TNS1: variants seen among roughly 807,000 people sequenced by gnomAD.
TNS1 encodes the protein tensin-1.
In TNS1, 62 loss-of-function variants were observed where a neutral mutation model predicts 168.6. The observed-to-expected ratio is 0.37, with a 90% CI of 0.30 to 0.45. The LOEUF is 0.45. TNS1 is among the 20% of genes least tolerant of loss of function. The probability of loss-of-function intolerance (pLI) is 1.00; values close to 1 mark genes in which losing one functional copy is unlikely to be tolerated. For synonymous variants in TNS1, 934 were observed against 933.2 expected (o/e 1.00, Z -0.02); for missense variants, 2,240 against 2,339.4 (o/e 0.96, Z 0.88).
At chr2:217,885,670 G>A (rs1951124804) in intron 15 of TNS1, 74 bp downstream of exon 15, 1 of 1,494,730 alleles carries the variant, frequency 6.7e-7, no homozygotes, top group African/African-American at 1.4e-5. Context: ...TGTCCCAAGA[G>A]GCAGGAAAGG....
intron 3 of TNS1, among the ~76,000 whole-genome samples, chr2:217,934,839 A>C (rs2125916480): frequency 6.6e-6 from 1 of 152,330 alleles, no homozygotes; most frequent in South Asian, 2.1e-4. Flanking sequence ...TCGATGCTGG[A>C]CAGCTCTGCC....
chr2:217,880,966 G>A lies in TNS1; in HGVS notation c.1361C>T (p.Thr454Ile), dbSNP rs763736445. ...NGPSVSVDYN[T>I]SDPLIRWDSY... The stretch of plus-strand genomic sequence containing the variant: ...GTCCCAGCGGATGAGGGGGTCGGAG[G>A]TGTTATAGTCCACAGACACGCTCGG... The change falls in exon 18 of 33, where the codon ACC becomes ATC. Residue 454 changes from threonine to isoleucine, a missense_variant. Thr to Ile is a moderately conservative substitution (Grantham distance 89). This residue lies in a region of TNS1 where 2,131 missense variants were observed against 2,171.2 expected (regional missense o/e 0.98). Transcript: ENST00000682258. This position sits in a 1 kb window ranked among gnomAD's most constrained non-coding sequence, Gnocchi z 4.2. 1 of 1,614,096 alleles carries A rather than the reference G, an allele frequency of 6.2e-7. No individual in the cohort carries two copies. Among genetic ancestry groups the A allele is most frequent in the Non-Finnish European group, 8.5e-7 (1 of 1,180,016 alleles).
rs144984708 is a variant in TNS1 at position 217,878,674 on chromosome 2, T to A, written c.1429+2224A>T. ...CCCAAGAAAACACCACATGCAGTCC[T>A]TCCTCAGGCCGTGCTGCCCACAAGG... On this transcript the variant is annotated intron_variant, in intron 18 of 32. Coordinates refer to ENST00000682258, the MANE Select transcript of TNS1 (RefSeq NM_001387777.1). 2.8e-3 allele frequency among the ~76,000 whole-genome samples: 431 copies of A among 152,250 alleles called. 1 individual carries two copies. The highest frequency in any genetic ancestry group is 9.6e-3 in the African/African-American group (399 of 41,544).
intron 24 of TNS1, among the ~76,000 whole-genome samples, chr2:217,816,617 C>T (rs4674216): frequency 0.32 from 48,133 of 152,028 alleles, 8,152 homozygotes; most frequent in Middle Eastern, 0.44. Flanking sequence ...CTGTCAGAGG[C>T]GGCTGCAGTC....
intron 19 of TNS1, among the ~76,000 whole-genome samples, chr2:217,846,318 G>A (rs1946640877): frequency 6.6e-6 from 1 of 152,170 alleles, no homozygotes. Context: ...AAGTATAGGA[G>A]CAGGGAGCCT....
chr2:217,822,847 G>C (rs115271998), intron 22 of TNS1, among the ~76,000 whole-genome samples: 1 of 152,154 alleles, frequency 6.6e-6, no homozygotes, highest in African/African-American at 2.4e-5. Flanking sequence ...AACGAACTCC[G>C]CTTGAAAGAG....
chr2:218,006,678 C>T (rs1958659855), upstream of TNS1, among the ~76,000 whole-genome samples: 1 of 152,200 alleles, frequency 6.6e-6, no homozygotes. Flanking sequence ...GAGGGGGATG[C>T]CCACTCCTTG....
chr2:217,874,549 G>C (rs550926180), intron 18 of TNS1, among the ~76,000 whole-genome samples: 39 of 152,316 alleles, frequency 2.6e-4, no homozygotes, highest in African/African-American at 7.5e-4. Context: ...GATGTCAGAG[G>C]CATGTCTCCT....
At position 217,802,453 on chromosome 2, in the gene TNS1, C is replaced by T. The variant is rs1937605961; in HGVS notation, c.*2006G>A. On this transcript the variant is annotated 3_prime_UTR_variant, in exon 33 of 33. Coordinates refer to ENST00000682258, the MANE Select transcript of TNS1 (RefSeq NM_001387777.1). ...CTATGTGTGCCATACACACCCATGT[C>T]CCCGCATGCTCACACACTCGCTCAG... 6.6e-6 allele frequency: 1 copy of T among 152,280 alleles called. No individual in the cohort carries two copies. Among genetic ancestry groups the T allele is most frequent in the African/African-American group, 2.4e-5 (1 of 41,450 alleles). The allele number at this position is 152,280 out of a possible 1,614,324, so 9.4% of individuals were successfully genotyped here.
chr2:217,900,575 C>A (rs1212097102), intron 6 of TNS1, 63 bp from the exon 7 acceptor site: 1 of 1,476,938 alleles, frequency 6.8e-7, no homozygotes, highest in African/African-American at 1.4e-5. Context: ...GAGGAGCACA[C>A]CAGAGAGCTG....
intron 18 of TNS1, among the ~76,000 whole-genome samples, chr2:217,860,618 G>A (rs978727196): frequency 2.6e-5 from 4 of 152,082 alleles, no homozygotes; most frequent in Admixed American, 1.3e-4. Context: ...TTGTTTGCAC[G>A]CAACCTTCAT....
intron 18 of TNS1, among the ~76,000 whole-genome samples, chr2:217,879,781 G>A (rs543899289): frequency 2.6e-5 from 4 of 152,332 alleles, no homozygotes; most frequent in South Asian, 2.1e-4. Flanking sequence ...AGACAGCGCC[G>A]TGTAGAGGAA....
At chr2:217,804,872 T>C (rs1938160279) in intron 32 of TNS1, among the ~76,000 whole-genome samples, 2 of 152,096 alleles carry the variant, frequency 1.3e-5, no homozygotes, top group Admixed American at 6.5e-5. Flanking sequence ...CTGCAGAGGA[T>C]TGACAAGGCT....
At chr2:217,805,550 A>ATAC (rs1938627163) in intron 32 of TNS1, among the ~76,000 whole-genome samples, 1 of 24,822 alleles carries the variant, frequency 4.0e-5, no homozygotes. Context: ...ACACCACCAC[A>ATAC]CACCACACAC....
intron 32 of TNS1, among the ~76,000 whole-genome samples, chr2:217,807,719 G>T (rs916830479): frequency 6.6e-6 from 1 of 152,224 alleles, no homozygotes; most frequent in South Asian, 2.1e-4. Flanking sequence ...AAAAGCAAGA[G>T]CAGAAATAAA....
chr2:217,881,150 C>A, intron 17 of TNS1, 136 bp from the exon 18 acceptor site: 2 of 637,080 alleles, frequency 3.1e-6, no homozygotes, highest in South Asian at 3.8e-5. Flanking sequence ...TTTTCTTGAG[C>A]GTGGTGGGCG....
intron 18 of TNS1, among the ~76,000 whole-genome samples, chr2:217,874,119 T>TTATTACCCACCAAAAGACCTTG (rs1440651342): frequency 4.0e-4 from 60 of 151,366 alleles, no homozygotes; most frequent in African/African-American, 1.4e-3. Context: ...GCGTATTTAT[T>TTATTACCCACCAAAAGACCTTG]TATTACCCAC....
At chr2:217,947,457 G>C (rs1957139213) in intron 3 of TNS1, among the ~76,000 whole-genome samples, 1 of 152,112 alleles carries the variant, frequency 6.6e-6, no homozygotes, top group African/African-American at 2.4e-5. Flanking sequence ...GATGGCAGGA[G>C]AGCCAGGAGC....
intron 3 of TNS1, among the ~76,000 whole-genome samples, chr2:217,955,561 C>T (rs1352122375): frequency 6.6e-6 from 1 of 152,210 alleles, no homozygotes; most frequent in Non-Finnish European, 1.5e-5. Context: ...CAACACACAC[C>T]CCACTGTACT....
Sources: gnomAD v4.1 joint callset for allele counts (sites outside exome capture counted in the v4.1 genomes callset) on GRCh38, gnomAD v4.1.1 for gene constraint, gnomAD v4.1.1 regional missense constraint, Gnocchi (gnomAD v3.1) non-coding constraint, MANE v1.5 for transcripts, NCBI Gene and HGNC (gene_info 2026-07-23, HGNC 2026-07-21) for gene names.